Variants in UNG observed in about 807,000 individuals in gnomAD.
UNG encodes the protein uracil-DNA glycosylase.
In UNG, 34 loss-of-function variants were observed where a neutral mutation model predicts 36.5. The ratio of observed to expected loss-of-function variants is 0.93; its 90% CI spans 0.71 to 1.24. The LOEUF is 1.24. Among genes scored for constraint, UNG ranks in the 50% most tolerant of loss-of-function variants. The probability of loss-of-function intolerance (pLI) is 0.00; values close to 1 mark genes in which losing one functional copy is unlikely to be tolerated. For synonymous variants in UNG, 172 were observed against 157.8 expected (o/e 1.09, Z -0.67); for missense variants, 391 against 397.6 (o/e 0.98, Z 0.14).
At chr12:109,099,041 TTTTG>T (rs1244975885) in intron 2 of UNG, 144 bp from the exon 3 acceptor site, 9 of 838,394 alleles carry the variant, frequency 1.1e-5, no homozygotes, top group African/African-American at 8.5e-5. Context: ...CAGGCACTGT[TTTTG>T]TTTGTTGTTT....
At chr12:109,106,213 G>C (rs537000588) in intron 6 of UNG, among the ~76,000 whole-genome samples, 1 of 152,234 alleles carries the variant, frequency 6.6e-6, no homozygotes, top group South Asian at 2.1e-4. Context: ...CATAAGCTGG[G>C]CGGTATTGTT....
chr12:109,100,911 T>C (rs1593320315), intron 3 of UNG, among the ~76,000 whole-genome samples: 1 of 152,054 alleles, frequency 6.6e-6, no homozygotes, highest in South Asian at 2.1e-4. Context: ...ACTAGGTGGG[T>C]GGGCCCTGGA....
intron 5 of UNG, among the ~76,000 whole-genome samples, chr12:109,103,179 C>G (rs2042191102): frequency 6.6e-6 from 1 of 152,134 alleles, no homozygotes; most frequent in Non-Finnish European, 1.5e-5. Context: ...TGGTCTCGAA[C>G]TCCTGACCTC....
chr12:109,102,808 G>GT lies in UNG; in HGVS notation c.534-25dup, dbSNP rs3219235. The GT allele has an allele frequency of 0.19, 294,711 of 1,548,134 alleles. 29,381 individuals carry two copies. Among genetic ancestry groups the GT allele is most frequent in the East Asian group, 0.31 (13,943 of 44,540 alleles). ...CTTTCAAAATTATGCTTAAGATTCT[G>GT]TTTTTTGTTTTTCTTGTGGCTTGCT... On this transcript the variant is annotated intron_variant, in intron 4 of 6. Transcript: ENST00000242576.
At chr12:109,098,760 C>A in intron 2 of UNG, 122 bp downstream of exon 2, 1 of 1,286,314 alleles carries the variant, frequency 7.8e-7, no homozygotes, top group East Asian at 2.5e-5. Flanking sequence ...CTTCAACCTC[C>A]TTTACTCACA....
rs1032552145 is a variant in UNG, at chr12:109,098,495, C to T, written c.196C>T (p.Leu66=). The part of the protein sequence containing the change: ...EEPGTPPSSP[L]SAEQLDRIQR... ...GCCTGGGACGCCGCCCTCCTCGCCGCTGAGTGCCGAGCAGTTGGACCGGAT... is the reference window on the plus strand; with the variant it reads ...GCCTGGGACGCCGCCCTCCTCGCCGTTGAGTGCCGAGCAGTTGGACCGGAT... Residue 66 remains leucine, a synonymous_variant, in exon 2 of 7, where the codon CTG becomes TTG. Coordinates refer to ENST00000242576, the MANE Select transcript of UNG (RefSeq NM_080911.3). 16 of 1,612,562 alleles carry T rather than the reference C, an allele frequency of 9.9e-6. No individual in the cohort carries two copies. Among genetic ancestry groups the T allele is most frequent in the African/African-American group, 1.3e-5 (1 of 74,936 alleles).
intron 1 of UNG, 47 bp from the exon 2 acceptor site, chr12:109,098,385 A>G: frequency 1.2e-6 from 2 of 1,601,770 alleles, no homozygotes; most frequent in Non-Finnish European, 1.7e-6. Context: ...ACGCCTGGGA[A>G]GGGGCCGCTG....
intron 6 of UNG, among the ~76,000 whole-genome samples, chr12:109,104,721 CA>C (rs1439367946): frequency 8.6e-5 from 13 of 151,844 alleles, no homozygotes; most frequent in Admixed American, 7.2e-4. Flanking sequence ...GGAGACGAGC[CA>C]GGGGTGTGTT....
intron 1 of UNG, 96 bp downstream of exon 1, chr12:109,097,907 G>A: frequency 1.4e-6 from 2 of 1,391,066 alleles, no homozygotes; most frequent in Non-Finnish European, 1.9e-6. Context: ...CCTCTGACTC[G>A]GTAAACCCGG....
In UNG at chr12:109,103,581, T is replaced by C. The variant is rs1054086515; in HGVS notation, c.771T>C (p.Tyr257=). The change falls in exon 6 of 7, where the codon TAT becomes TAC. Residue 257 remains tyrosine, a synonymous_variant. Transcript: ENST00000242576. The part of the protein sequence containing the change: ...NGLVFLLWGS[Y]AQKKGSAIDR... ...TTGTTTTCTTGCTCTGGGGCTCTTA[T>C]GCTCAGAAGAAGGGCAGTGCCATTG... 17 of 1,613,830 alleles carry C rather than the reference T, an allele frequency of 1.1e-5. 1 individual carries two copies. In the African/African-American group the frequency reaches 1.1e-4, roughly 10 times the overall value.
chr12:109,098,264 AT>A, intron 1 of UNG, 167 bp from the exon 2 acceptor site: 1 of 1,521,782 alleles, frequency 6.6e-7, no homozygotes, highest in East Asian at 2.3e-5. Context: ...CTAATTCCCA[AT>A]TCCCGGACCG....
Position 109,097,619 on chromosome 12 carries a change from A to T in UNG, c.-61A>T. 1.3e-6 allele frequency: 2 copies of T among 1,574,332 alleles called. 1 individual carries two copies. Among genetic ancestry groups the T allele is most frequent in the South Asian group, 2.3e-5 (2 of 86,534 alleles). On this transcript the variant is annotated 5_prime_UTR_variant, in exon 1 of 7. Coordinates refer to ENST00000242576, the MANE Select transcript of UNG (RefSeq NM_080911.3). ...GCCAATTGCTGACCGCCACAGCCAC[A>T]GCCAGGGCTAGCCTCGCCGGTTCCC...
intron 1 of UNG, chr12:109,098,071 A>C: frequency 7.2e-7 from 1 of 1,381,802 alleles, no homozygotes; most frequent in South Asian, 1.7e-5. Flanking sequence ...GCGCTGTCCA[A>C]TCAGAGGGGA....
chr12:109,102,833 T>G lies in UNG; in HGVS notation c.534-6T>G. The G allele has an allele frequency of 6.2e-7, 1 of 1,611,274 alleles. No individual in the cohort carries two copies. The highest frequency in any genetic ancestry group is 2.2e-5 in the East Asian group (1 of 44,886). On this transcript the variant is annotated splice_region_variant and splice_polypyrimidine_tract_variant and intron_variant, in intron 4 of 6. Transcript: ENST00000242576. ...GTTTTTTGTTTTTCTTGTGGCTTGC[T>G]TTCAGTTTGGAGAACATTTATAAAG... is the stretch of plus-strand genomic sequence containing the variant.
At chr12:109,107,850 T>TTTTTTG (rs1184819195) in intron 6 of UNG, among the ~76,000 whole-genome samples, 1 of 152,046 alleles carries the variant, frequency 6.6e-6, no homozygotes, top group East Asian at 1.9e-4. Context: ...GTGGCGAGAT[T>TTTTTTG]TTTTTGTTTT....
Position 109,109,763 on chromosome 12 carries a change from C to CAAAAAA in UNG, c.802-53_802-48dup, listed in dbSNP as rs71079524. Reference sequence around the variant, plus strand: ...ACGCCACTGCAGCAAGACTCTGTCTCAAAAAAAAAAAAAAAAAATTTAAAA... The same window carrying CAAAAAA: ...ACGCCACTGCAGCAAGACTCTGTCTCAAAAAAAAAAAAAAAAAAAAAAAATTTAAAA... On this transcript the variant is annotated intron_variant, in intron 6 of 6. Coordinates refer to ENST00000242576, the MANE Select transcript of UNG (RefSeq NM_080911.3). The CAAAAAA allele has an allele frequency of 0.11, 138,877 of 1,209,590 alleles. 2,199 individuals are homozygous for CAAAAAA. Among genetic ancestry groups the CAAAAAA allele is most frequent in the African/African-American group, 0.21 (9,870 of 46,688 alleles). The allele number at this position is 1,209,590 out of a possible 1,614,324, so 74.9% of individuals were successfully genotyped here.
Position 109,097,616 on chromosome 12 carries a change from C to T in UNG, c.-64C>T. On this transcript the variant is annotated 5_prime_UTR_variant, in exon 1 of 7. Coordinates refer to ENST00000242576, the MANE Select transcript of UNG (RefSeq NM_080911.3). ...GGCGCCAATTGCTGACCGCCACAGC[C>T]ACAGCCAGGGCTAGCCTCGCCGGTT... 2.5e-6 allele frequency: 4 copies of T among 1,572,776 alleles called. No individual in the cohort carries two copies. The highest frequency in any genetic ancestry group is 3.5e-6 in the Non-Finnish European group (4 of 1,159,086).
chr12:109,109,311 G>T, intron 6 of UNG, among the ~76,000 whole-genome samples: 1 of 152,138 alleles, frequency 6.6e-6, no homozygotes, highest in East Asian at 1.9e-4. Flanking sequence ...AAGGCAGAGG[G>T]TGGTGCTCTT....
intron 4 of UNG, 86 bp from the exon 5 acceptor site, chr12:109,102,753 C>G: frequency 8.8e-7 from 1 of 1,140,908 alleles, no homozygotes; most frequent in Admixed American, 1.7e-5. Flanking sequence ...AACTTCTAAC[C>G]TTTTCACATA....
Sources: gnomAD v4.1 joint callset for allele counts (sites outside exome capture counted in the v4.1 genomes callset) on GRCh38, gnomAD v4.1.1 for gene constraint, MANE v1.5 for transcripts, NCBI Gene and HGNC (gene_info 2026-07-23, HGNC 2026-07-21) for gene names.